The following FSTL5 variants were observed in gnomAD, a reference collection of about 807,000 sequenced individuals.
FSTL5 encodes follistatin-related protein 5.
In FSTL5, 62 loss-of-function variants were observed where a neutral mutation model predicts 89.1. The ratio of observed to expected loss-of-function variants is 0.70; its 90% CI spans 0.57 to 0.86. The LOEUF (loss-of-function observed/expected upper bound fraction) is 0.86, where lower values mean the gene tolerates loss of function less well. Ranked by LOEUF, FSTL5 falls within the 40% of genes least tolerant of loss-of-function variation. FSTL5 has a pLI of 0.00. For missense variants in FSTL5, 1,057 were observed against 1,001.6 expected, an observed-to-expected ratio of 1.06 and a Z score of -0.75; for synonymous variants, 383 against 346.2, an observed-to-expected ratio of 1.11 and a Z score of -1.18.
At chr4:161,812,024 A>T (rs981180556) in intron 4 of FSTL5, among the ~76,000 whole-genome samples, 5 of 152,170 alleles carry the variant, frequency 3.3e-5, no homozygotes, top group Non-Finnish European at 7.4e-5. Context: ...ATGTGAATAT[A>T]ATATAAATAT....
chr4:161,737,318 T>A (rs1182159777), intron 6 of FSTL5, among the ~76,000 whole-genome samples: 1 of 152,020 alleles, frequency 6.6e-6, no homozygotes, highest in Non-Finnish European at 1.5e-5. Context: ...TCAACCATTG[T>A]GGTCTCGTAC....
At chr4:161,681,162 T>C (rs1021645504) in intron 6 of FSTL5, among the ~76,000 whole-genome samples, 8 of 152,064 alleles carry the variant, frequency 5.3e-5, no homozygotes, top group South Asian at 2.1e-4. Context: ...GTGATTTGAA[T>C]ATAATCTTAT....
chr4:161,733,596 C>T (rs934979826), intron 6 of FSTL5, among the ~76,000 whole-genome samples: 1 of 151,888 alleles, frequency 6.6e-6, no homozygotes, highest in Non-Finnish European at 1.5e-5. Context: ...AAGAAAGTAT[C>T]GAGTTTGTCA....
chr4:161,416,681 A>G (rs1333046645), intron 15 of FSTL5, among the ~76,000 whole-genome samples: 1 of 151,520 alleles, frequency 6.6e-6, no homozygotes, highest in South Asian at 2.1e-4. Flanking sequence ...CATCTCTACA[A>G]AAAATAACAA....
At chr4:161,787,634 C>T (rs1176971516) in intron 4 of FSTL5, among the ~76,000 whole-genome samples, 3 of 152,060 alleles carry the variant, frequency 2.0e-5, no homozygotes, top group African/African-American at 7.2e-5. Context: ...CGTTGCTCTT[C>T]TCTGAAATAA....
intron 7 of FSTL5, among the ~76,000 whole-genome samples, chr4:161,615,429 G>C (rs1181795756): frequency 7.6e-5 from 11 of 144,172 alleles, no homozygotes; most frequent in African/African-American, 2.8e-4. Flanking sequence ...TGGGTGACAG[G>C]GCGAGACTCC....
chr4:161,417,603 C>T (rs747348750), intron 15 of FSTL5, among the ~76,000 whole-genome samples: 54 of 152,154 alleles, frequency 3.5e-4, no homozygotes, highest in Non-Finnish European at 7.3e-5. Flanking sequence ...AAGATTTGGG[C>T]CCGGGGGCCA....
At chr4:162,106,158 T>A (rs1383891908) in intron 2 of FSTL5, among the ~76,000 whole-genome samples, 1 of 152,200 alleles carries the variant, frequency 6.6e-6, no homozygotes, top group East Asian at 1.9e-4. Context: ...CTTTGCCCCA[T>A]TTGCTCAGTA....
chr4:161,992,899 TG>T, intron 3 of FSTL5, among the ~76,000 whole-genome samples: 1 of 14,664 alleles, frequency 6.8e-5, no homozygotes, highest in Non-Finnish European at 2.0e-4. Flanking sequence ...TATATATATG[TG>T]TGTGTATATA....
intron 4 of FSTL5, among the ~76,000 whole-genome samples, chr4:161,873,280 G>A (rs1732333037): frequency 6.7e-6 from 1 of 149,964 alleles, no homozygotes. Context: ...ATTTATAAAT[G>A]TCTGTAAGCA....
At chr4:161,466,130 A>T (rs185272251) in intron 13 of FSTL5, among the ~76,000 whole-genome samples, 130 of 152,356 alleles carry the variant, frequency 8.5e-4, no homozygotes, top group Middle Eastern at 3.4e-3. Flanking sequence ...CTTTATACAC[A>T]TATTGATAAA....
Position 161,459,478 on chromosome 4 carries a change from A to T in FSTL5, c.1609-159T>A, listed in dbSNP as rs114607006. Among the ~76,000 whole-genome samples, 558 of 152,270 alleles carry T rather than the reference A, an allele frequency of 3.7e-3. 3 individuals are homozygous for T. Among genetic ancestry groups the T allele is most frequent in the African/African-American group, 0.012 (505 of 41,556 alleles). The stretch of plus-strand genomic sequence containing the variant: ...CTTATTTGATATTTGAAAATATCAT[A>T]CTTTACTCATGTATATTCATATACA... On this transcript the variant is annotated intron_variant, in intron 13 of 15. Transcript: ENST00000306100.
chr4:161,955,131 A>C (rs931834422), intron 3 of FSTL5, among the ~76,000 whole-genome samples: 14 of 151,680 alleles, frequency 9.2e-5, no homozygotes, highest in African/African-American at 3.4e-4. Flanking sequence ...AAAAATTATG[A>C]AATGTATAAT....
chr4:161,864,685 C>T (rs1185570592), intron 4 of FSTL5, among the ~76,000 whole-genome samples: 3 of 151,816 alleles, frequency 2.0e-5, no homozygotes, highest in African/African-American at 4.8e-5. Context: ...TCCTGGCTAA[C>T]GTGGTGAAAC....
At chr4:161,420,154 G>C (rs1262785888) in intron 15 of FSTL5, among the ~76,000 whole-genome samples, 1 of 152,188 alleles carries the variant, frequency 6.6e-6, no homozygotes, top group Non-Finnish European at 1.5e-5. Flanking sequence ...ATTCCTGATA[G>C]GACTACTAAT....
intron 6 of FSTL5, among the ~76,000 whole-genome samples, chr4:161,691,780 A>ATCATGAAT (rs1371049288): frequency 6.6e-6 from 1 of 152,118 alleles, no homozygotes; most frequent in Non-Finnish European, 1.5e-5. Flanking sequence ...TTTAGATACT[A>ATCATGAAT]TCATGAATGG....
At chr4:161,970,026 C>A (rs1458332914) in intron 3 of FSTL5, among the ~76,000 whole-genome samples, 2 of 151,958 alleles carry the variant, frequency 1.3e-5, no homozygotes, top group African/African-American at 2.4e-5. Flanking sequence ...CTAAAAAAAT[C>A]GAACTGGATT....
chr4:161,448,999 T>C lies in FSTL5; in HGVS notation c.1841+6005A>G, dbSNP rs541637923. 7.2e-5 allele frequency among the ~76,000 whole-genome samples: 11 copies of C among 152,266 alleles called. No individual in the cohort carries two copies. In the South Asian group the frequency reaches 2.1e-3, roughly 29 times the overall value. On this transcript the variant is annotated intron_variant, in intron 15 of 15. Transcript: ENST00000306100. ...TATAACAAAACCTTTTGAACACTAG[T>C]TGTTTGTTTACTTGTTTCATTTAGC...
intron 3 of FSTL5, among the ~76,000 whole-genome samples, chr4:161,989,567 T>C (rs76091894): frequency 0.035 from 5,279 of 152,172 alleles, 283 homozygotes; most frequent in East Asian, 0.21. Context: ...TCCTAATAAA[T>C]TAAAAACAAA....
Sources: gnomAD v4.1 joint callset for allele counts (sites outside exome capture counted in the v4.1 genomes callset) on GRCh38, gnomAD v4.1.1 for gene constraint, MANE v1.5 for transcripts, NCBI Gene and HGNC (gene_info 2026-07-23, HGNC 2026-07-21) for gene names.